Variants in NTF3 observed in about 807,000 individuals in gnomAD.
The protein encoded by NTF3 is neurotrophin 3.
Under a neutral mutation model 26.3 loss-of-function variants are expected in NTF3, and 8 were observed. The ratio of observed to expected loss-of-function variants is 0.30; its 90% confidence interval spans 0.18 to 0.55. The LOEUF is 0.55. Ranked by LOEUF, NTF3 falls within the 20% of genes least tolerant of loss-of-function variation. NTF3 has a pLI of 0.93. For missense variants in NTF3, 276 were observed against 352.9 expected (o/e 0.78, Z 1.75); for synonymous variants, 154 against 145.5 (o/e 1.06, Z -0.42).
intron 1 of NTF3, among the ~76,000 whole-genome samples, chr12:5,449,453 C>T (rs528261919): frequency 1.3e-5 from 2 of 152,278 alleles, no homozygotes; most frequent in East Asian, 3.9e-4. Context: ...TGGGGTTCTA[C>T]GTTTTGCAGG....
Position 5,494,704 on chromosome 12 carries a change from T to C in NTF3, c.529T>C (p.Ser177Pro). 1 of 1,614,016 alleles carries C rather than the reference T, an allele frequency of 6.2e-7. No homozygotes were observed. Among genetic ancestry groups the C allele is most frequent in the Non-Finnish European group, 8.5e-7 (1 of 1,180,010 alleles). The change falls in exon 2 of 2, where the codon TCG (serine) becomes CCG (proline). Residue 177 changes from serine to proline, a missense_variant. By Grantham distance (74) the Ser-to-Pro change is moderately conservative. Transcript: ENST00000423158. This position sits in a 1 kb window ranked among gnomAD's most constrained non-coding sequence, Gnocchi z 8.3. ...SESLWVTDKS[S>P]AIDIRGHQVT... Reference sequence around the variant, plus strand: ...GAGTCTGTGGGTGACCGACAAGTCATCGGCCATCGACATTCGGGGACACCA... The same window carrying C: ...GAGTCTGTGGGTGACCGACAAGTCACCGGCCATCGACATTCGGGGACACCA...
intron 1 of NTF3, among the ~76,000 whole-genome samples, chr12:5,485,595 T>C (rs1591607247): frequency 6.6e-6 from 1 of 152,208 alleles, no homozygotes; most frequent in African/African-American, 2.4e-5. Flanking sequence ...AAATGTGAGC[T>C]GTTATTACAA....
rs1446921309 is a variant in NTF3 at position 5,433,027 on chromosome 12, G to A, written c.18+685G>A. ...GGAACCTCGCGTTCCAGTTTTGGGA[G>A]TTGGGACTCACTGCCACGCGCCGCG... is the stretch of plus-strand genomic sequence containing the variant. On this transcript the variant is annotated intron_variant, in intron 1 of 1. Transcript: ENST00000423158. The surrounding 1 kb of genome is among the most constrained non-coding windows in gnomAD (Gnocchi z 4.6). 6.6e-6 allele frequency: 1 copy of A among 152,284 alleles called. No homozygotes were observed. Among genetic ancestry groups the A allele is most frequent in the African/African-American group, 2.4e-5 (1 of 41,438 alleles). The allele number at this position is 152,284 out of a possible 1,614,324, so 9.4% of individuals were successfully genotyped here. A position where few individuals can be genotyped will look rare whatever the true frequency, so the allele number is the denominator to read the frequency against.
chr12:5,471,924 A>G (rs1385523217), intron 1 of NTF3, among the ~76,000 whole-genome samples: 2 of 152,144 alleles, frequency 1.3e-5, no homozygotes, highest in African/African-American at 2.4e-5. Context: ...TGCGAGTCTC[A>G]TGCAGAGATG....
chr12:5,481,802 TCATA>T (rs1472298195), intron 1 of NTF3, among the ~76,000 whole-genome samples: 2 of 120,094 alleles, frequency 1.7e-5, no homozygotes, highest in East Asian at 2.7e-4. Context: ...TACACCACAC[TCATA>T]CAGAGACACA....
intron 1 of NTF3, among the ~76,000 whole-genome samples, chr12:5,435,578 T>C (rs1470420254): frequency 2.6e-5 from 4 of 152,142 alleles, no homozygotes; most frequent in Non-Finnish European, 4.4e-5. Flanking sequence ...TTGTTTCTTG[T>C]GTGGGGTGTG....
In NTF3 at chr12:5,494,707, G is replaced by A. The variant is rs1335064971; in HGVS notation, c.532G>A (p.Ala178Thr). 1 of 1,614,156 alleles carries A rather than the reference G, an allele frequency of 6.2e-7. No homozygotes were observed. The highest frequency in any genetic ancestry group is 8.5e-7 in the Non-Finnish European group (1 of 1,180,042). The change falls in exon 2 of 2, where the codon GCC becomes ACC. Residue 178 changes from alanine (A) to threonine (T), a missense_variant. Physicochemically the swap from Ala to Thr is moderately conservative, Grantham distance 58 (BLOSUM62 0). Transcript: ENST00000423158. The surrounding 1 kb of genome is among the most constrained non-coding windows in gnomAD (Gnocchi z 8.3). ...ESLWVTDKSS[A>T]IDIRGHQVTV... is the part of the protein sequence containing the mutation. Reference sequence around the variant, plus strand: ...TCTGTGGGTGACCGACAAGTCATCGGCCATCGACATTCGGGGACACCAGGT... The same window carrying A: ...TCTGTGGGTGACCGACAAGTCATCGACCATCGACATTCGGGGACACCAGGT...
chr12:5,489,331 G>C (rs903086121), intron 1 of NTF3, among the ~76,000 whole-genome samples: 1 of 152,246 alleles, frequency 6.6e-6, no homozygotes, highest in East Asian at 1.9e-4. Flanking sequence ...TCCAGGCTTG[G>C]AGCTTGGGCT....
intron 1 of NTF3, among the ~76,000 whole-genome samples, chr12:5,468,224 A>G (rs1191862284): frequency 1.3e-5 from 2 of 152,206 alleles, no homozygotes; most frequent in Non-Finnish European, 2.9e-5. Context: ...ATATATGTGT[A>G]TATATTACAC....
At chr12:5,461,939 T>A (rs934773511) in intron 1 of NTF3, among the ~76,000 whole-genome samples, 2 of 152,240 alleles carry the variant, frequency 1.3e-5, no homozygotes, top group Non-Finnish European at 2.9e-5. Context: ...GTTGAAAATG[T>A]CCAAGGGTTA....
At chr12:5,484,138 A>G (rs1940840173) in intron 1 of NTF3, among the ~76,000 whole-genome samples, 1 of 152,158 alleles carries the variant, frequency 6.6e-6, no homozygotes, top group African/African-American at 2.4e-5. Context: ...GTGACTGTGG[A>G]TGAGCAGCGT....
chr12:5,438,245 TG>T (rs766825749), intron 1 of NTF3, among the ~76,000 whole-genome samples: 2 of 152,122 alleles, frequency 1.3e-5, no homozygotes, highest in Admixed American at 6.5e-5. Context: ...TATTTTTTGT[TG>T]TTGTTAATAG....
chr12:5,464,766 T>G (rs933275288), intron 1 of NTF3, among the ~76,000 whole-genome samples: 1 of 152,216 alleles, frequency 6.6e-6, no homozygotes, highest in Non-Finnish European at 1.5e-5. Flanking sequence ...GAATTCAGTA[T>G]TACATGAGTA....
At chr12:5,490,019 G>A (rs534201900) in intron 1 of NTF3, among the ~76,000 whole-genome samples, 11 of 152,172 alleles carry the variant, frequency 7.2e-5, no homozygotes, top group South Asian at 2.1e-4. Flanking sequence ...CATGCACGTC[G>A]GTCAGGATCT....
intron 1 of NTF3, among the ~76,000 whole-genome samples, chr12:5,434,835 G>A (rs551956018): frequency 6.6e-6 from 1 of 152,034 alleles, no homozygotes; most frequent in Non-Finnish European, 1.5e-5. Flanking sequence ...TGTGTGTGGG[G>A]GGTGGGGGAA....
At chr12:5,480,940 TC>T (rs1354433430) in intron 1 of NTF3, among the ~76,000 whole-genome samples, 1 of 151,960 alleles carries the variant, frequency 6.6e-6, no homozygotes, top group Non-Finnish European at 1.5e-5. Context: ...TCTCACGGCT[TC>T]TCCCCTGCCT....
At chr12:5,477,686 G>C (rs186278420) in intron 1 of NTF3, among the ~76,000 whole-genome samples, 32 of 152,250 alleles carry the variant, frequency 2.1e-4, no homozygotes, top group African/African-American at 7.0e-4. Flanking sequence ...AATTATTCGT[G>C]AGCCTTCACT....
At chr12:5,483,815 G>A (rs1940835663) in intron 1 of NTF3, among the ~76,000 whole-genome samples, 1 of 152,220 alleles carries the variant, frequency 6.6e-6, no homozygotes, top group African/African-American at 2.4e-5. Flanking sequence ...AAAGCCATCA[G>A]GTTGGAAGTG....
chr12:5,463,842 C>A (rs901709495), intron 1 of NTF3, among the ~76,000 whole-genome samples: 1 of 152,176 alleles, frequency 6.6e-6, no homozygotes, highest in African/African-American at 2.4e-5. Flanking sequence ...AAGCAACTAC[C>A]TCTCTCTGGG....
Sources: gnomAD v4.1 joint callset for allele counts (sites outside exome capture counted in the v4.1 genomes callset) on GRCh38, gnomAD v4.1.1 for gene constraint, Gnocchi (gnomAD v3.1) non-coding constraint, MANE v1.5 for transcripts, NCBI Gene and HGNC (gene_info 2026-07-23, HGNC 2026-07-21) for gene names.